C10orf90: variants seen among roughly 807,000 people sequenced by gnomAD.
C10orf90 encodes chromosome 10 open reading frame 90, also known as (E2-independent) E3 ubiquitin-conjugating enzyme FATS.
A neutral mutation model predicts 62.5 loss-of-function variants in C10orf90; 56 were observed. That is an observed-to-expected ratio of 0.90 (90% CI 0.72 to 1.12). C10orf90 has a LOEUF of 1.12. Among genes scored for constraint, C10orf90 ranks in the 50% most tolerant of loss-of-function variants. C10orf90 has a pLI of 0.00. For missense variants in C10orf90, 970 were observed against 880.4 expected (o/e 1.10, Z -1.29); for synonymous variants, 386 against 340.4 (o/e 1.13, Z -1.47).
At chr10:126,513,361 G>T (rs548392117) in intron 3 of C10orf90, among the ~76,000 whole-genome samples, 1 of 152,314 alleles carries the variant, frequency 6.6e-6, no homozygotes, top group South Asian at 2.1e-4. Flanking sequence ...CAGTCGATTA[G>T]ACAGAGCCTG....
At chr10:126,649,082 C>A (rs1477362091) in intron 1 of C10orf90, among the ~76,000 whole-genome samples, 1 of 119,136 alleles carries the variant, frequency 8.4e-6, no homozygotes, top group Non-Finnish European at 1.7e-5. Context: ...CCCCCCCCCC[C>A]AGCAATTCAC....
At chr10:126,559,048 T>C (rs1864842253) in intron 2 of C10orf90, among the ~76,000 whole-genome samples, 1 of 152,266 alleles carries the variant, frequency 6.6e-6, no homozygotes, top group Admixed American at 6.5e-5. Flanking sequence ...CCAAAAATAC[T>C]TGCATGTAGT....
At chr10:126,618,668 AAAAC>A (rs1232851421) in intron 2 of C10orf90, among the ~76,000 whole-genome samples, 2 of 152,208 alleles carry the variant, frequency 1.3e-5, no homozygotes, top group African/African-American at 4.8e-5. Context: ...TATAGAAAAA[AAAAC>A]AAATCACAAA....
rs796967890 is a variant in C10orf90 at position 126,435,616 on chromosome 10, A to C, written c.2189-5766T>G. 3.1e-4 allele frequency among the ~76,000 whole-genome samples: 47 copies of C among 152,290 alleles called. 1 individual carries two copies. The highest frequency in any genetic ancestry group is 1.1e-3 in the African/African-American group (45 of 41,558). ...AATATGGCAGATGAGGCACAGGACC[A>C]GAGCTTTGCTTCCCCAGCTGGAGGA... On this transcript the variant is annotated intron_variant, in intron 7 of 9. Coordinates refer to ENST00000488181, the MANE Select transcript of C10orf90 (RefSeq NM_001350921.2).
intron 7 of C10orf90, among the ~76,000 whole-genome samples, chr10:126,444,473 AAAGACCTCTAC>A (rs1858609222): frequency 6.6e-6 from 1 of 152,166 alleles, no homozygotes; most frequent in Admixed American, 6.5e-5. Context: ...AAACGAGATG[AAAGACCTCTAC>A]AAGGAAAACT....
chr10:126,621,874 G>A (rs1814742599), intron 2 of C10orf90, among the ~76,000 whole-genome samples: 1 of 152,134 alleles, frequency 6.6e-6, no homozygotes, highest in Non-Finnish European at 1.5e-5. Context: ...TTACATTTCA[G>A]CAATATTGAA....
At chr10:126,630,999 A>C (rs994957598) in intron 2 of C10orf90, among the ~76,000 whole-genome samples, 1 of 152,156 alleles carries the variant, frequency 6.6e-6, no homozygotes, top group Admixed American at 6.6e-5. Context: ...ATACTCACTC[A>C]CATGTACACC....
intron 1 of C10orf90, among the ~76,000 whole-genome samples, chr10:126,649,028 GTCTCTGTCTCTC>G (rs1228679939): frequency 0.43 from 43,919 of 102,088 alleles, 8,283 homozygotes; most frequent in Middle Eastern, 0.59. Flanking sequence ...CTCTCTCTCT[GTCTCTGTCTCTC>G]TCTCTCTCTC....
At chr10:126,542,995 G>C (rs2133968823) in intron 2 of C10orf90, among the ~76,000 whole-genome samples, 2 of 152,284 alleles carry the variant, frequency 1.3e-5, no homozygotes, top group Middle Eastern at 3.4e-3. Flanking sequence ...TGTCAAATGT[G>C]TGTTGTTGAT....
At chr10:126,590,135 G>A (rs183143943) in intron 2 of C10orf90, among the ~76,000 whole-genome samples, 2 of 152,240 alleles carry the variant, frequency 1.3e-5, no homozygotes, top group African/African-American at 2.4e-5. Context: ...AACAAGAAGA[G>A]CTAACTGTTA....
chr10:126,555,727 A>AAAT (rs1864755340), intron 2 of C10orf90, among the ~76,000 whole-genome samples: 2 of 148,752 alleles, frequency 1.3e-5, no homozygotes, highest in Admixed American at 6.7e-5. Flanking sequence ...TAAAAATTAA[A>AAAT]TAAATAAAAA....
intron 3 of C10orf90, 125 bp from the exon 4 acceptor site, chr10:126,505,210 GCTTTTTA>G: frequency 1.1e-6 from 1 of 902,386 alleles, no homozygotes; most frequent in Non-Finnish European, 1.6e-6. Context: ...CTTGTCCAAG[GCTTTTTA>G]CTGCACACCT....
intron 2 of C10orf90, among the ~76,000 whole-genome samples, chr10:126,567,842 C>T (rs1002606448): frequency 1.3e-5 from 2 of 151,942 alleles, no homozygotes; most frequent in Admixed American, 6.6e-5. Context: ...GAAGAAGCCT[C>T]GAGTGGCACC....
intron 2 of C10orf90, among the ~76,000 whole-genome samples, chr10:126,569,150 C>A (rs1844454117): frequency 6.6e-6 from 1 of 152,148 alleles, no homozygotes; most frequent in South Asian, 2.1e-4. Context: ...GAACCAAGGA[C>A]ACCGCCTCTA....
At chr10:126,573,024 C>G (rs962982358) in intron 2 of C10orf90, among the ~76,000 whole-genome samples, 2 of 152,066 alleles carry the variant, frequency 1.3e-5, no homozygotes, top group Admixed American at 6.5e-5. Flanking sequence ...TGTGGCAGGA[C>G]GAGCCACAGA....
chr10:126,588,957 T>C (rs1187733300), intron 2 of C10orf90, among the ~76,000 whole-genome samples: 4 of 152,104 alleles, frequency 2.6e-5, no homozygotes, highest in African/African-American at 9.7e-5. Flanking sequence ...TTAAGAATCA[T>C]GATAAAACAA....
intron 2 of C10orf90, among the ~76,000 whole-genome samples, chr10:126,610,794 T>C (rs1018515339): frequency 2.0e-5 from 3 of 152,140 alleles, no homozygotes; most frequent in Admixed American, 6.5e-5. Context: ...GAGTTAATAA[T>C]TGAAAAACAG....
At chr10:126,432,378 G>A (rs1042616364) in intron 7 of C10orf90, among the ~76,000 whole-genome samples, 2 of 152,110 alleles carry the variant, frequency 1.3e-5, no homozygotes, top group South Asian at 2.1e-4. Flanking sequence ...TACATTTAAC[G>A]AGCAGTTATG....
At chr10:126,535,661 T>C (rs986703038) in intron 2 of C10orf90, among the ~76,000 whole-genome samples, 2 of 152,106 alleles carry the variant, frequency 1.3e-5, no homozygotes, top group Admixed American at 6.6e-5. Flanking sequence ...AAAAAATTTG[T>C]CTTAGCTCTC....
Sources: gnomAD v4.1 joint callset for allele counts (sites outside exome capture counted in the v4.1 genomes callset) on GRCh38, gnomAD v4.1.1 for gene constraint, MANE v1.5 for transcripts, NCBI Gene and HGNC (gene_info 2026-07-23, HGNC 2026-07-21) for gene names.